NSMCE2: variants seen among roughly 807,000 people sequenced by gnomAD.
NSMCE2 encodes E3 SUMO-protein ligase NSE2.
In NSMCE2, 24 loss-of-function variants were observed where a neutral mutation model predicts 23.8. That is an observed-to-expected ratio of 1.01 (90% CI 0.73 to 1.42). The LOEUF is 1.42. Ranked by LOEUF, NSMCE2 falls within the 40% of genes most tolerant of loss-of-function variation. The probability of loss-of-function intolerance (pLI) is 0.00; values close to 1 mark genes in which losing one functional copy is unlikely to be tolerated. For missense variants in NSMCE2, 284 were observed against 296.5 expected, an observed-to-expected ratio of 0.96 and a Z score of 0.31; for synonymous variants, 92 against 94.1, an observed-to-expected ratio of 0.98 and a Z score of 0.13.
intron 4 of NSMCE2, chr8:125,155,896 C>A: frequency 2.3e-6 from 1 of 437,734 alleles, no homozygotes; most frequent in South Asian, 1.6e-5. Flanking sequence ...TTAATTCTCA[C>A]AGGGAAAATG....
chr8:125,129,544 C>G (rs911106347), intron 3 of NSMCE2, among the ~76,000 whole-genome samples: 11 of 145,358 alleles, frequency 7.6e-5, no homozygotes, highest in Admixed American at 3.4e-4. Flanking sequence ...AGATTTGGCT[C>G]TGTGTGTGTG....
intron 5 of NSMCE2, among the ~76,000 whole-genome samples, chr8:125,254,049 C>T (rs1180830934): frequency 6.6e-6 from 1 of 152,142 alleles, no homozygotes; most frequent in Non-Finnish European, 1.5e-5. Context: ...CTAAGCATCT[C>T]TCTTAATTCA....
chr8:125,105,550 T>C (rs1818420662), intron 3 of NSMCE2, among the ~76,000 whole-genome samples: 1 of 152,210 alleles, frequency 6.6e-6, no homozygotes, highest in African/African-American at 2.4e-5. Context: ...AGAAGAATTA[T>C]AAACATCATT....
chr8:125,103,148 T>C (rs2130366944), intron 3 of NSMCE2, among the ~76,000 whole-genome samples: 1 of 152,074 alleles, frequency 6.6e-6, no homozygotes, highest in African/African-American at 2.4e-5. Flanking sequence ...CTACTAAAAA[T>C]ACAAAAAATT....
intron 5 of NSMCE2, among the ~76,000 whole-genome samples, chr8:125,212,240 T>G (rs139920318): frequency 6.6e-6 from 1 of 152,352 alleles, no homozygotes; most frequent in East Asian, 1.9e-4. Flanking sequence ...CATATTCATT[T>G]AAAGGTATCA....
At position 125,284,887 on chromosome 8, in the gene NSMCE2, A is replaced by G. The variant is rs369827225; in HGVS notation, c.419-72332A>G. Among the ~76,000 whole-genome samples, 5 of 152,340 alleles carry G rather than the reference A, an allele frequency of 3.3e-5. No individual in the cohort carries two copies. In the East Asian group the frequency reaches 9.6e-4, roughly 29 times the overall value. On this transcript the variant is annotated intron_variant, in intron 5 of 7. Transcript: ENST00000287437. Reference sequence around the variant, plus strand: ...AACCTAATTAGTAGGCATTCTTTTTATAGCTAATGTGCTAATTGCCTCAGA... The same window carrying G: ...AACCTAATTAGTAGGCATTCTTTTTGTAGCTAATGTGCTAATTGCCTCAGA...
chr8:125,261,342 G>T (rs1826683818), intron 5 of NSMCE2, among the ~76,000 whole-genome samples: 1 of 152,162 alleles, frequency 6.6e-6, no homozygotes, highest in African/African-American at 2.4e-5. Context: ...GAAAACTCCA[G>T]CTAGGTATTC....
intron 5 of NSMCE2, among the ~76,000 whole-genome samples, chr8:125,274,516 T>G (rs1827360500): frequency 6.6e-6 from 1 of 152,232 alleles, no homozygotes. Flanking sequence ...ACAAGTTTTT[T>G]TGCATATGGT....
chr8:125,233,519 T>C (rs1825416492), intron 5 of NSMCE2, among the ~76,000 whole-genome samples: 2 of 152,208 alleles, frequency 1.3e-5, no homozygotes, highest in Admixed American at 6.5e-5. Flanking sequence ...AATACTAATA[T>C]GCAATAAATT....
intron 5 of NSMCE2, among the ~76,000 whole-genome samples, chr8:125,283,606 C>T (rs1269184393): frequency 6.6e-6 from 1 of 152,172 alleles, no homozygotes; most frequent in African/African-American, 2.4e-5. Flanking sequence ...CTTAATTAAC[C>T]TCTGTGAATA....
intron 1 of NSMCE2, among the ~76,000 whole-genome samples, chr8:125,101,807 C>T (rs936910074): frequency 6.6e-6 from 1 of 152,188 alleles, no homozygotes; most frequent in Non-Finnish European, 1.5e-5. Flanking sequence ...GTCTATTAAT[C>T]TGTTAGAAGC....
rs569306363 is a variant in NSMCE2, at chr8:125,102,114, A to G, written c.-47A>G. The G allele has an allele frequency of 8.1e-5, 40 of 491,568 alleles. No individual in the cohort carries two copies. The South Asian group carries it at 9.3e-4, about 11-fold the overall frequency. The allele number at this position is 491,568 out of a possible 1,614,324, so 30.5% of individuals were successfully genotyped here. A position where few individuals can be genotyped will look rare whatever the true frequency, so the allele number is the denominator to read the frequency against. ...AAAACTGAGGACACTTACCTTCCCC[A>G]TATATTGAGTCCAGCTGTGTTTGGT... is the stretch of plus-strand genomic sequence containing the variant. On this transcript the variant is annotated 5_prime_UTR_variant, in exon 2 of 8. Transcript: ENST00000287437.
chr8:125,299,026 A>G (rs1828446425), intron 5 of NSMCE2, among the ~76,000 whole-genome samples: 1 of 152,232 alleles, frequency 6.6e-6, no homozygotes, highest in Admixed American at 6.5e-5. Context: ...CATTTCAGGA[A>G]TAGTTGATGC....
intron 3 of NSMCE2, among the ~76,000 whole-genome samples, chr8:125,109,985 T>C (rs1818651346): frequency 6.6e-6 from 1 of 152,166 alleles, no homozygotes; most frequent in Non-Finnish European, 1.5e-5. Context: ...TTTTCTGCCA[T>C]CTTACACAGA....
At chr8:125,264,901 G>A (rs954490353) in intron 5 of NSMCE2, among the ~76,000 whole-genome samples, 4 of 152,106 alleles carry the variant, frequency 2.6e-5, no homozygotes, top group Non-Finnish European at 5.9e-5. Context: ...ACAACCCTGG[G>A]AATGTGGCTT....
intron 3 of NSMCE2, among the ~76,000 whole-genome samples, chr8:125,114,498 C>A (rs1478530728): frequency 6.6e-6 from 1 of 152,226 alleles, no homozygotes; most frequent in African/African-American, 2.4e-5. Flanking sequence ...TATACCCCAT[C>A]CATATCCATG....
intron 5 of NSMCE2, among the ~76,000 whole-genome samples, chr8:125,290,878 T>C (rs1190969343): frequency 6.6e-6 from 1 of 152,232 alleles, no homozygotes; most frequent in Non-Finnish European, 1.5e-5. Flanking sequence ...TATAGATTTA[T>C]TGTCTTTTTC....
At chr8:125,291,333 C>T (rs1168983153) in intron 5 of NSMCE2, among the ~76,000 whole-genome samples, 1 of 152,108 alleles carries the variant, frequency 6.6e-6, no homozygotes, top group East Asian at 1.9e-4. Flanking sequence ...TAAAAGGTTG[C>T]TGTAAAGAAC....
At chr8:125,146,802 C>T (rs1367653379) in intron 3 of NSMCE2, among the ~76,000 whole-genome samples, 3 of 151,878 alleles carry the variant, frequency 2.0e-5, no homozygotes, top group Non-Finnish European at 2.9e-5. Context: ...TGTTAAATGA[C>T]GAGTTAATGG....
Sources: gnomAD v4.1 joint callset for allele counts (sites outside exome capture counted in the v4.1 genomes callset) on GRCh38, gnomAD v4.1.1 for gene constraint, MANE v1.5 for transcripts, NCBI Gene and HGNC (gene_info 2026-07-23, HGNC 2026-07-21) for gene names.